XIST: variants seen among roughly 807,000 people sequenced by gnomAD.
XIST encodes X inactive specific transcript.
In XIST at chrX:73,822,457, C is replaced by G. The variant is rs1301207015; in HGVS notation, n.17444G>C. 3 of 514,050 alleles carry G rather than the reference C, an allele frequency of 5.8e-6. No individual in the cohort carries two copies. The Admixed American group carries it at 7.9e-5, about 14-fold the overall frequency. 42.4% of individuals were successfully genotyped at this position (514,050 alleles called of 1,213,427 possible). A position where few individuals can be genotyped will look rare whatever the true frequency, so the allele number is the denominator to read the frequency against. On this transcript the variant is annotated non_coding_transcript_exon_variant, in exon 6 of 6. Transcript: ENST00000429829. The stretch of plus-strand genomic sequence containing the variant: ...CATTTTTTTCCCATGTCTCTGGGGC[C>G]AAAAACCTTATACCAAGTACCTATT...
At chrX:73,851,547 T>A (rs1186778282) in exon 1 of XIST, 1 of 559,217 alleles carries the variant, frequency 1.8e-6, no homozygotes, top group Admixed American at 2.2e-5. Flanking sequence ...TGCCGCAATG[T>A]CAAAATCGCC....
At chrX:73,841,867 C>T in exon 1 of XIST, 1 of 515,141 alleles carries the variant, frequency 1.9e-6, no homozygotes, top group East Asian at 3.6e-5. Flanking sequence ...TTACTGCAAT[C>T]TTCTTGAAAT....
At chrX:73,825,428 AAAGC>A (rs1317590789) in exon 6 of XIST, 1 of 547,037 alleles carries the variant, frequency 1.8e-6, no homozygotes, top group Non-Finnish European at 3.3e-6. Flanking sequence ...TACAGTTTAC[AAAGC>A]ACATTCACTA....
At chrX:73,846,715 C>T (rs759107314) in exon 1 of XIST, 2 of 558,975 alleles carry the variant, frequency 3.6e-6, no homozygotes, top group South Asian at 2.2e-5. Flanking sequence ...ATAGCAACCT[C>T]GACAAATACA....
exon 1 of XIST, chrX:73,848,445 G>A (rs781304902): frequency 1.8e-6 from 1 of 557,993 alleles, no homozygotes; most frequent in African/African-American, 2.2e-5. Flanking sequence ...AGTAGTAAGG[G>A]TCCCCTGCTG....
At chrX:73,843,253 T>C in exon 1 of XIST, 1 of 558,602 alleles carries the variant, frequency 1.8e-6, no homozygotes. Flanking sequence ...GAGACATATA[T>C]AATTGCAAAT....
chrX:73,837,405 C>G (rs1569512084), intron 2 of XIST: 1 of 466,648 alleles, frequency 2.1e-6, no homozygotes, highest in East Asian at 3.7e-5. Context: ...CTGTGAAGTT[C>G]ATCAAAAACA....
exon 6 of XIST, chrX:73,825,288 A>G (rs763132756): frequency 5.4e-6 from 3 of 559,205 alleles, no homozygotes; most frequent in Non-Finnish European, 3.2e-6. Flanking sequence ...TCAAATATAC[A>G]TATAATTTAT....
At chrX:73,851,995 G>T in exon 1 of XIST, 2 of 555,818 alleles carry the variant, frequency 3.6e-6, no homozygotes, top group Non-Finnish European at 6.5e-6. Context: ...TCCATAAAAA[G>T]CACCGATGGG....
rs2779095 is a variant in XIST at position 73,823,813 on chromosome X, G to A, written n.16088C>T. On this transcript the variant is annotated non_coding_transcript_exon_variant, in exon 6 of 6. Transcript: ENST00000429829. ...TCATCACTGAATAAACTTGTTAAAT[G>A]ACTTTTGGTCTGGATCTCACACCTA... 403 of 554,519 alleles carry A rather than the reference G, an allele frequency of 7.3e-4. No individual in the cohort carries two copies. In the African/African-American group the frequency reaches 8.0e-3, roughly 11 times the overall value. 45.7% of individuals were successfully genotyped at this position (554,519 alleles called of 1,213,427 possible). A position where few individuals can be genotyped will look rare whatever the true frequency, so the allele number is the denominator to read the frequency against.
chrX:73,835,502 A>G (rs1042045528), intron 2 of XIST, among the ~76,000 whole-genome samples: 13 of 112,306 alleles, frequency 1.2e-4, no homozygotes, highest in African/African-American at 4.2e-4. Flanking sequence ...CTATAATAGT[A>G]GTGCCATATT....
chrX:73,849,612 C>A, exon 1 of XIST: 1 of 557,934 alleles, frequency 1.8e-6, no homozygotes, highest in Non-Finnish European at 3.2e-6. Flanking sequence ...TTCAACGTAC[C>A]GAGTAAGGAA....
At chrX:73,847,287 A>C (rs778189672) in exon 1 of XIST, 1 of 552,431 alleles carries the variant, frequency 1.8e-6, no homozygotes, top group South Asian at 2.3e-5. Flanking sequence ...GGGCACATCA[A>C]CTACTGCTAA....
intron 2 of XIST, chrX:73,833,564 G>C (rs1223921318): frequency 3.4e-6 from 1 of 293,818 alleles, no homozygotes; most frequent in African/African-American, 2.7e-5. Flanking sequence ...GGCAGTACAC[G>C]GGAAGATTAG....
rs376883150 is a variant in XIST at position 73,851,277 on chromosome X, C to T, written n.1447G>A. ...AAAAGCCATGATATACATATGACAA[C>T]GCCTGCCATATTGTCCCTGCGGCAA... On this transcript the variant is annotated non_coding_transcript_exon_variant, in exon 1 of 6. Transcript: ENST00000429829. 3.9e-4 allele frequency: 216 copies of T among 557,966 alleles called. 1 individual carries two copies. Among genetic ancestry groups the T allele is most frequent in the Non-Finnish European group, 5.9e-4 (184 of 309,278 alleles). The allele number at this position is 557,966 out of a possible 1,213,427, so 46.0% of individuals were successfully genotyped here. A position where few individuals can be genotyped will look rare whatever the true frequency, so the allele number is the denominator to read the frequency against.
chrX:73,827,790 G>C (rs746420759), exon 6 of XIST: 1 of 537,853 alleles, frequency 1.9e-6, no homozygotes, highest in Non-Finnish European at 3.3e-6. Context: ...GGAGAGCAAA[G>C]AGAAATAGCA....
At chrX:73,831,901 T>C (rs1480371292) in intron 3 of XIST, among the ~76,000 whole-genome samples, 2 of 112,376 alleles carry the variant, frequency 1.8e-5, no homozygotes, top group African/African-American at 6.5e-5. Context: ...CATGCCATAA[T>C]ATTGCCAAGA....
At chrX:73,837,420 G>A (rs1244304215) in intron 2 of XIST, 5 of 483,548 alleles carry the variant, frequency 1.0e-5, no homozygotes, top group Non-Finnish European at 1.8e-5. Context: ...AAAACAAAGA[G>A]TCTGAGAAAC....
exon 1 of XIST, chrX:73,852,628 G>C (rs2147710458): frequency 2.1e-6 from 1 of 486,988 alleles, no homozygotes; most frequent in African/African-American, 2.4e-5. Context: ...AAGGGTGTTG[G>C]GGGACTAGAA....
Sources: allele counts gnomAD v4.1 joint callset (sites outside exome capture counted in the v4.1 genomes callset), GRCh38; gene constraint gnomAD v4.1.1; transcripts MANE v1.5; gene names NCBI Gene and HGNC (gene_info 2026-07-23, HGNC 2026-07-21).